ABCB5: variants seen among roughly 807,000 people sequenced by gnomAD.
ABCB5 encodes the protein ATP-binding cassette sub-family B member 5.
ABCB5 carries 155 observed loss-of-function variants against 144.2 expected under a neutral mutation model. The observed-to-expected ratio is 1.08, with a 90% CI of 0.94 to 1.23. The LOEUF is 1.23. Among genes scored for constraint, ABCB5 ranks in the 50% most tolerant of loss-of-function variants. The pLI, the probability that ABCB5 is intolerant of heterozygous loss-of-function variation, is 0.00. For missense variants in ABCB5, 1,830 were observed against 1,520.8 expected, an observed-to-expected ratio of 1.20 and a Z score of -3.38; for synonymous variants, 610 against 528.6, an observed-to-expected ratio of 1.15 and a Z score of -2.11.
intron 14 of ABCB5, among the ~76,000 whole-genome samples, chr7:20,668,490 C>A (rs563465800): frequency 3.1e-3 from 469 of 151,156 alleles, no homozygotes; most frequent in African/African-American, 0.011. Context: ...GCCTGGCAAC[C>A]GCCCCGTCTG....
chr7:20,658,353 T>A (rs952146810), intron 13 of ABCB5, among the ~76,000 whole-genome samples, 153 bp from the exon 14 acceptor site: 1 of 151,860 alleles, frequency 6.6e-6, no homozygotes, highest in Non-Finnish European at 1.5e-5. Context: ...CAGCGGTTTG[T>A]TTTCACAAAG....
intron 5 of ABCB5, among the ~76,000 whole-genome samples, chr7:20,633,959 G>A (rs111767360): frequency 0.028 from 4,239 of 152,052 alleles, 199 homozygotes; most frequent in African/African-American, 0.097. Context: ...TTTTTGTGTA[G>A]CCATGACCCA....
intron 26 of ABCB5, among the ~76,000 whole-genome samples, chr7:20,746,377 C>T (rs920798880): frequency 3.3e-5 from 5 of 152,322 alleles, no homozygotes; most frequent in South Asian, 2.1e-4. Flanking sequence ...GGATTACAGG[C>T]GTGAGCCATC....
intron 24 of ABCB5, among the ~76,000 whole-genome samples, chr7:20,742,606 T>A (rs1166787884): frequency 6.6e-6 from 1 of 152,182 alleles, no homozygotes; most frequent in East Asian, 1.9e-4. Context: ...AATGGAACTG[T>A]CTGTGCAGCA....
chr7:20,629,645 C>G (rs1459530490), intron 4 of ABCB5, among the ~76,000 whole-genome samples: 2 of 151,966 alleles, frequency 1.3e-5, no homozygotes, highest in South Asian at 4.2e-4. Context: ...GCCTGTAATC[C>G]CAGCTACTCG....
intron 13 of ABCB5, among the ~76,000 whole-genome samples, chr7:20,656,911 T>C (rs1784815800): frequency 1.5e-5 from 1 of 65,916 alleles, no homozygotes; most frequent in East Asian, 3.0e-4. Flanking sequence ...TTTTCCTTTT[T>C]CTTTTTTTTT....
intron 5 of ABCB5, among the ~76,000 whole-genome samples, chr7:20,642,274 C>T (rs907473352): frequency 3.3e-5 from 5 of 152,174 alleles, no homozygotes; most frequent in African/African-American, 1.2e-4. Flanking sequence ...TCTTTTGTTT[C>T]TGGAATGTGC....
chr7:20,658,472 T>G, intron 13 of ABCB5, 34 bp from the exon 14 acceptor site: 8 of 1,603,920 alleles, frequency 5.0e-6, no homozygotes, highest in Non-Finnish European at 6.8e-6. Context: ...CACGCTGCCT[T>G]CTGTTTCTGT....
At position 20,623,474 on chromosome 7, in the gene ABCB5, A is replaced by G. The variant is rs546965440; in HGVS notation, c.53+136A>G. 3.4e-5 allele frequency: 24 copies of G among 705,912 alleles called. No individual in the cohort carries two copies. The East Asian group carries it at 6.3e-4, about 19-fold the overall frequency. 43.7% of individuals were successfully genotyped at this position (705,912 alleles called of 1,614,324 possible). A position where few individuals can be genotyped will look rare whatever the true frequency, so the allele number is the denominator to read the frequency against. ...TATTTGCATTTTGCTGAACTTGAAC[A>G]TAAGCAGTCTTATAATTAATTTAAT... On this transcript the variant is annotated intron_variant, in intron 2 of 27. Transcript: ENST00000404938.
chr7:20,736,343 G>A (rs915890135), intron 23 of ABCB5, among the ~76,000 whole-genome samples: 5 of 152,108 alleles, frequency 3.3e-5, no homozygotes, highest in African/African-American at 1.2e-4. Flanking sequence ...TCAGTCTCCT[G>A]AGTAGCTAGC....
In ABCB5 at chr7:20,756,889, G is replaced by A. The variant is rs1290061623; in HGVS notation, c.*1265G>A. ...GTATTTTCTTCCATTTACACATTTAGCTAGCCTCCCTAAAGTGTACTCTAC... is the reference window on the plus strand; with the variant it reads ...GTATTTTCTTCCATTTACACATTTAACTAGCCTCCCTAAAGTGTACTCTAC... On this transcript the variant is annotated 3_prime_UTR_variant, in exon 28 of 28. Coordinates refer to ENST00000404938, the MANE Select transcript of ABCB5 (RefSeq NM_001163941.2). The A allele has an allele frequency of 3.3e-5, 5 of 152,130 alleles. No individual in the cohort carries two copies. Among genetic ancestry groups the A allele is most frequent in the African/African-American group, 1.2e-4 (5 of 41,364 alleles). 9.4% of individuals were successfully genotyped at this position (152,130 alleles called of 1,614,324 possible).
chr7:20,747,556 G>A lies in ABCB5; in HGVS notation c.3429+2118G>A, dbSNP rs148271206. Among the ~76,000 whole-genome samples, 613 of 152,196 alleles carry A rather than the reference G, an allele frequency of 4.0e-3. 2 individuals are homozygous for A. Among genetic ancestry groups the A allele is most frequent in the African/African-American group, 0.012 (489 of 41,538 alleles). Reference sequence around the variant, plus strand: ...TTACAGGCATAAGCCACCACATCTGGCCTAACTTTTATTCTTAAATTGTTT... The same window carrying A: ...TTACAGGCATAAGCCACCACATCTGACCTAACTTTTATTCTTAAATTGTTT... On this transcript the variant is annotated intron_variant, in intron 26 of 27. Coordinates refer to ENST00000404938, the MANE Select transcript of ABCB5 (RefSeq NM_001163941.2).
chr7:20,750,647 A>T (rs991842343), intron 26 of ABCB5, among the ~76,000 whole-genome samples: 4 of 152,262 alleles, frequency 2.6e-5, no homozygotes, highest in African/African-American at 9.6e-5. Flanking sequence ...CATATCGTAT[A>T]TGTATAATAC....
In ABCB5 at chr7:20,755,821, G is replaced by T; in HGVS notation, c.*197G>T. 1.8e-6 allele frequency: 1 copy of T among 566,958 alleles called. No individual in the cohort carries two copies. The highest frequency in any genetic ancestry group is 2.4e-5 in the South Asian group (1 of 41,986). 35.1% of individuals were successfully genotyped at this position (566,958 alleles called of 1,614,324 possible). A position where few individuals can be genotyped will look rare whatever the true frequency, so the allele number is the denominator to read the frequency against. On this transcript the variant is annotated 3_prime_UTR_variant, in exon 28 of 28. Transcript: ENST00000404938. ...GGAAGCAAAAATTTGCTTATTTCATGTAAGTGAAATAATGCTTATATCCTT... is the reference window on the plus strand; with the variant it reads ...GGAAGCAAAAATTTGCTTATTTCATTTAAGTGAAATAATGCTTATATCCTT...
chr7:20,658,641 G>GA lies in ABCB5; in HGVS notation c.1675dup (p.Ser559LysfsTer50), dbSNP rs755686337. ...TGAGGCTACGTCTGCCCTGGATTCA[G>GA]AAAGCAAGTCAGCTGTTCAAGCTGC... On this transcript the variant is annotated frameshift_variant, in exon 14 of 28. Coordinates refer to ENST00000404938, the MANE Select transcript of ABCB5 (RefSeq NM_001163941.2). LOFTEE classifies it high-confidence loss of function. The GA allele has an allele frequency of 6.2e-7, 1 of 1,614,180 alleles. No homozygotes were observed. Among genetic ancestry groups the GA allele is most frequent in the Non-Finnish European group, 8.5e-7 (1 of 1,180,020 alleles).
chr7:20,641,206 A>G (rs376552496), intron 5 of ABCB5, among the ~76,000 whole-genome samples: 2 of 152,162 alleles, frequency 1.3e-5, no homozygotes, highest in African/African-American at 4.8e-5. Context: ...TCTCACATCT[A>G]TAAGTGATAC....
chr7:20,750,973 C>T (rs1562593564), intron 26 of ABCB5, among the ~76,000 whole-genome samples: 1 of 152,112 alleles, frequency 6.6e-6, no homozygotes, highest in African/African-American at 2.4e-5. Context: ...CACCCAGTGG[C>T]AGCTCTCAGT....
intron 15 of ABCB5, among the ~76,000 whole-genome samples, chr7:20,684,604 TA>T (rs35173666): frequency 0.33 from 50,127 of 151,608 alleles, 8,550 homozygotes; most frequent in African/African-American, 0.42. Flanking sequence ...AGTAAATAAA[TA>T]AATAAAAACA....
chr7:20,731,236 C>G (rs1214947276), intron 23 of ABCB5, among the ~76,000 whole-genome samples: 1 of 151,504 alleles, frequency 6.6e-6, no homozygotes, highest in Non-Finnish European at 1.5e-5. Flanking sequence ...CGCCTGTAAT[C>G]CCATCTACTT....
Sources: allele counts gnomAD v4.1 joint callset (sites outside exome capture counted in the v4.1 genomes callset), GRCh38; gene constraint gnomAD v4.1.1; transcripts MANE v1.5; gene names NCBI Gene and HGNC (gene_info 2026-07-23, HGNC 2026-07-21).